Variants in ARSB observed in about 807,000 individuals in gnomAD.
The protein encoded by ARSB is N-acetylgalactosamine-4-sulfatase.
In ARSB, 41 loss-of-function variants were observed where a neutral mutation model predicts 50.9. That is an observed-to-expected ratio of 0.81 (90% CI 0.63 to 1.04). The LOEUF (loss-of-function observed/expected upper bound fraction) is 1.04. ARSB is among the 50% of genes least tolerant of loss of function. The pLI, the probability that ARSB is intolerant of heterozygous loss-of-function variation, is 0.00. For synonymous variants in ARSB, 269 were observed against 284.8 expected, an observed-to-expected ratio of 0.94 and a Z score of 0.56; for missense variants, 672 against 693.3, an observed-to-expected ratio of 0.97 and a Z score of 0.35.
At chr5:78,785,633 A>T (rs1749054328) in intron 6 of ARSB, among the ~76,000 whole-genome samples, 1 of 152,184 alleles carries the variant, frequency 6.6e-6, no homozygotes, top group Admixed American at 6.5e-5. Flanking sequence ...ATCTGTCAAC[A>T]TGTGTGAGAC....
intron 6 of ARSB, among the ~76,000 whole-genome samples, chr5:78,807,735 T>G (rs1743620350): frequency 6.6e-6 from 1 of 152,068 alleles, no homozygotes; most frequent in South Asian, 2.1e-4. Flanking sequence ...AAAGGGACAA[T>G]AAAGCAAATC....
At chr5:78,802,589 A>T (rs1433757814) in intron 6 of ARSB, among the ~76,000 whole-genome samples, 1 of 152,180 alleles carries the variant, frequency 6.6e-6, no homozygotes, top group Non-Finnish European at 1.5e-5. Flanking sequence ...GGAAACACAC[A>T]CTAGGGTACA....
At chr5:78,862,584 T>A (rs1057169732) in intron 5 of ARSB, among the ~76,000 whole-genome samples, 3 of 152,174 alleles carry the variant, frequency 2.0e-5, no homozygotes, top group Non-Finnish European at 4.4e-5. Context: ...TCCTTACACC[T>A]TATACAAAAA....
chr5:78,815,179 T>C (rs145161223), intron 6 of ARSB, among the ~76,000 whole-genome samples: 1 of 150,938 alleles, frequency 6.6e-6, no homozygotes, highest in East Asian at 1.9e-4. Flanking sequence ...ATTGCTTATT[T>C]TCTAGTCGCA....
intron 5 of ARSB, among the ~76,000 whole-genome samples, chr5:78,874,745 A>G: frequency 6.6e-6 from 1 of 152,180 alleles, no homozygotes; most frequent in East Asian, 1.9e-4. Flanking sequence ...CAACTACAGA[A>G]TACGCATTCT....
At chr5:78,952,767 T>C (rs191531245) in intron 4 of ARSB, among the ~76,000 whole-genome samples, 1 of 152,348 alleles carries the variant, frequency 6.6e-6, no homozygotes, top group Non-Finnish European at 1.5e-5. Context: ...AATCCATATA[T>C]ACTTTCACTT....
At chr5:78,899,811 G>A (rs1262585672) in intron 4 of ARSB, among the ~76,000 whole-genome samples, 1 of 152,050 alleles carries the variant, frequency 6.6e-6, no homozygotes, top group African/African-American at 2.4e-5. Context: ...ATCTCGTTAG[G>A]GTCAGTCATT....
intron 4 of ARSB, among the ~76,000 whole-genome samples, chr5:78,951,458 A>G (rs1336741126): frequency 1.3e-5 from 2 of 152,196 alleles, no homozygotes; most frequent in Non-Finnish European, 2.9e-5. Context: ...TTAAAATTGC[A>G]AAAGTGTCTA....
intron 4 of ARSB, among the ~76,000 whole-genome samples, chr5:78,946,067 G>A (rs528101726): frequency 6.6e-6 from 1 of 152,330 alleles, no homozygotes; most frequent in Non-Finnish European, 1.5e-5. Flanking sequence ...GAAAGACGGA[G>A]TGAATAAATG....
intron 6 of ARSB, among the ~76,000 whole-genome samples, chr5:78,803,597 TC>T: frequency 6.6e-6 from 1 of 152,216 alleles, no homozygotes; most frequent in Non-Finnish European, 1.5e-5. Context: ...ATGAGTGAGG[TC>T]AGTGGCATCC....
chr5:78,880,640 T>G (rs1473218476), intron 5 of ARSB, among the ~76,000 whole-genome samples: 1 of 152,244 alleles, frequency 6.6e-6, no homozygotes, highest in Non-Finnish European at 1.5e-5. Flanking sequence ...AAGATTTGCT[T>G]TGCTTGGAAA....
intron 5 of ARSB, among the ~76,000 whole-genome samples, chr5:78,844,680 A>T (rs1488122501): frequency 6.6e-6 from 1 of 152,078 alleles, no homozygotes; most frequent in Non-Finnish European, 1.5e-5. Flanking sequence ...TAGGTCTATG[A>T]TCCATTTTAA....
chr5:78,922,800 C>T lies in ARSB; in HGVS notation c.898+32495G>A, dbSNP rs1283778102. 2.0e-5 allele frequency among the ~76,000 whole-genome samples: 3 copies of T among 151,866 alleles called. No individual in the cohort carries two copies. The East Asian group carries it at 5.9e-4, about 30-fold the overall frequency. ...GGTTCTTAGCATTTCTGGAGCTGCC[C>T]CTGGGCAGTGACGGGGTTTCACCAT... On this transcript the variant is annotated intron_variant, in intron 4 of 7. Transcript: ENST00000264914.
intron 4 of ARSB, among the ~76,000 whole-genome samples, chr5:78,940,662 G>C (rs894369765): frequency 7.9e-5 from 12 of 152,220 alleles, no homozygotes; most frequent in Admixed American, 7.2e-4. Flanking sequence ...TTTGGTACCA[G>C]TACCATGCTG....
chr5:78,813,899 A>T (rs1743901784), intron 6 of ARSB, among the ~76,000 whole-genome samples: 1 of 152,210 alleles, frequency 6.6e-6, no homozygotes, highest in African/African-American at 2.4e-5. Context: ...TTTAAACATA[A>T]AATATTTGCT....
At chr5:78,919,683 G>T (rs918958800) in intron 4 of ARSB, among the ~76,000 whole-genome samples, 22 of 151,988 alleles carry the variant, frequency 1.4e-4, no homozygotes, top group African/African-American at 5.1e-4. Flanking sequence ...AGTAGAGACG[G>T]GGATTCACCA....
At chr5:78,876,745 A>G (rs973019851) in intron 5 of ARSB, among the ~76,000 whole-genome samples, 3 of 152,156 alleles carry the variant, frequency 2.0e-5, no homozygotes, top group Admixed American at 6.5e-5. Flanking sequence ...AGGTCCCCCA[A>G]CAAAGACTGT....
intron 6 of ARSB, among the ~76,000 whole-genome samples, chr5:78,820,497 G>A (rs1020937351): frequency 6.6e-6 from 1 of 151,938 alleles, no homozygotes; most frequent in Non-Finnish European, 1.5e-5. Context: ...GGAGGTAGAG[G>A]TTGCAGTGAG....
At chr5:78,881,170 C>T (rs986795497) in intron 5 of ARSB, among the ~76,000 whole-genome samples, 4 of 151,696 alleles carry the variant, frequency 2.6e-5, no homozygotes, top group African/African-American at 9.7e-5. Context: ...AGGCAGAGAT[C>T]GCAGTGAGCC....
Sources: gnomAD v4.1 joint callset for allele counts (sites outside exome capture counted in the v4.1 genomes callset) on GRCh38, gnomAD v4.1.1 for gene constraint, MANE v1.5 for transcripts, NCBI Gene and HGNC (gene_info 2026-07-23, HGNC 2026-07-21) for gene names.